MALT1: variants seen among roughly 807,000 people sequenced by gnomAD.
MALT1 encodes the protein mucosa-associated lymphoid tissue lymphoma translocation protein 1.
MALT1 carries 36 observed loss-of-function variants against 85.5 expected under a neutral mutation model. The ratio of observed to expected loss-of-function variants is 0.42; its 90% CI spans 0.32 to 0.56. The LOEUF is 0.56. Among genes scored for constraint, MALT1 ranks in the 20% least tolerant of loss-of-function variants. The pLI is 0.10. For synonymous variants in MALT1, 359 were observed against 361.3 expected (o/e 0.99, Z 0.07); for missense variants, 716 against 981.6 (o/e 0.73, Z 3.62).
intron 10 of MALT1, among the ~76,000 whole-genome samples, chr18:58,727,497 G>C (rs1227687011): frequency 6.6e-6 from 1 of 152,010 alleles, no homozygotes; most frequent in Non-Finnish European, 1.5e-5. Context: ...GTAGAGACAG[G>C]CTTCACTGTG....
At chr18:58,684,220 C>T (rs1328469274) in intron 2 of MALT1, among the ~76,000 whole-genome samples, 1 of 152,178 alleles carries the variant, frequency 6.6e-6, no homozygotes, top group Non-Finnish European at 1.5e-5. Flanking sequence ...AGGCGGGAGC[C>T]ACCGCCCTGT....
At chr18:58,682,301 C>T (rs909857077) in intron 2 of MALT1, among the ~76,000 whole-genome samples, 4 of 152,090 alleles carry the variant, frequency 2.6e-5, no homozygotes, top group East Asian at 1.9e-4. Flanking sequence ...GGTATGCTGT[C>T]AGTTACATGT....
intron 1 of MALT1, chr18:58,672,842 A>G (rs2054185371): frequency 6.6e-6 from 1 of 152,208 alleles, no homozygotes; most frequent in Non-Finnish European, 1.5e-5. Flanking sequence ...AGAACGCTGG[A>G]AACTGCAGTG....
Position 58,748,712 on chromosome 18 carries a change from C to T in MALT1, c.*870C>T, listed in dbSNP as rs1431931490. The T allele has an allele frequency of 5.1e-6, 1 of 194,420 alleles. No individual in the cohort carries two copies. The highest frequency in any genetic ancestry group is 7.9e-5 in the East Asian group (1 of 12,634). The allele number at this position is 194,420 out of a possible 1,614,324, so 12.0% of individuals were successfully genotyped here. ...TTCACTGGCCTAATGAGATAATACT[C>T]TTATCTTTGGCTCTACCTAAAAGTT... On this transcript the variant is annotated 3_prime_UTR_variant, in exon 17 of 17. Transcript: ENST00000649217.
chr18:58,747,925 G>GGCAAATTTGTATATGTAGA lies in MALT1; in HGVS notation c.*85_*103dup. The GGCAAATTTGTATATGTAGA allele has an allele frequency of 9.1e-7, 1 of 1,095,878 alleles. No homozygotes were observed. The highest frequency in any genetic ancestry group is 1.6e-5 in the African/African-American group (1 of 63,988). The allele number at this position is 1,095,878 out of a possible 1,614,324, so 67.9% of individuals were successfully genotyped here. ...TACATAAAGTGAGACATTGTGAAAAGGCAAATTTGTATATGTAGAGAAAGA... is the reference window on the plus strand; with the variant it reads ...TACATAAAGTGAGACATTGTGAAAAGGCAAATTTGTATATGTAGAGCAAATTTGTATATGTAGAGAAAGA... On this transcript the variant is annotated 3_prime_UTR_variant, in exon 17 of 17. Transcript: ENST00000649217.
intron 1 of MALT1, among the ~76,000 whole-genome samples, chr18:58,676,564 ATGACTTGTTCACCTCAC>A (rs1445570889): frequency 2.6e-5 from 4 of 152,206 alleles, no homozygotes; most frequent in African/African-American, 9.7e-5. Flanking sequence ...AGGTAACCAC[ATGACTTGTTCACCTCAC>A]TGAGCTCTTC....
At chr18:58,723,647 T>C (rs1042145645) in intron 10 of MALT1, among the ~76,000 whole-genome samples, 1 of 152,186 alleles carries the variant, frequency 6.6e-6, no homozygotes, top group African/African-American at 2.4e-5. Context: ...AGAATGTATA[T>C]TTTGTATGTT....
Position 58,696,414 on chromosome 18 carries a change from A to G in MALT1, c.425A>G (p.Gln142Arg). Residue 142 changes from glutamine (Q) to arginine (R), a missense_variant, in exon 3 of 17, where the codon CAG becomes CGG. Gln to Arg is a conservative substitution (Grantham distance 43). Coordinates refer to ENST00000649217, the MANE Select transcript of MALT1 (RefSeq NM_006785.4). Reference sequence around the variant, plus strand: ...GAGTCAAAGGCAGTCTTGGCTGGACAGTTTGTGAAACTGTGTTGCCGGGCA... The same window carrying G: ...GAGTCAAAGGCAGTCTTGGCTGGACGGTTTGTGAAACTGTGTTGCCGGGCA... ...NPESKAVLAG[Q>R]FVKLCCRATG... is the part of the protein sequence containing the mutation. The G allele has an allele frequency of 6.3e-7, 1 of 1,590,548 alleles. No homozygotes were observed. The highest frequency in any genetic ancestry group is 1.4e-5 in the African/African-American group (1 of 72,380).
chr18:58,744,170 CTT>C (rs370407442), intron 14 of MALT1, among the ~76,000 whole-genome samples, 166 bp from the exon 15 acceptor site: 77 of 152,188 alleles, frequency 5.1e-4, no homozygotes, highest in Non-Finnish European at 8.1e-4. Context: ...AAATGAAAGA[CTT>C]TGTTTGGCCA....
intron 1 of MALT1, among the ~76,000 whole-genome samples, chr18:58,674,675 G>A (rs1485929013): frequency 2.0e-5 from 3 of 152,256 alleles, no homozygotes; most frequent in African/African-American, 7.2e-5. Flanking sequence ...TCATGCTGTT[G>A]GGAGAAGATC....
chr18:58,674,659 G>T (rs1963566645), intron 1 of MALT1, among the ~76,000 whole-genome samples: 1 of 152,172 alleles, frequency 6.6e-6, no homozygotes, highest in South Asian at 2.1e-4. Flanking sequence ...TTATTGTAAA[G>T]TGATTTCATG....
At chr18:58,745,205 C>T (rs2055350037) in intron 15 of MALT1, among the ~76,000 whole-genome samples, 1 of 152,136 alleles carries the variant, frequency 6.6e-6, no homozygotes, top group Admixed American at 6.6e-5. Flanking sequence ...ACTGGAGCAG[C>T]AGAACCCTTA....
chr18:58,754,293 TA>T lies in MALT1; in HGVS notation c.*6455del, dbSNP rs1481467356. On this transcript the variant is annotated 3_prime_UTR_variant, in exon 17 of 17. Coordinates refer to ENST00000649217, the MANE Select transcript of MALT1 (RefSeq NM_006785.4). ...TTCATTCTTCCATGAAAAACACTTT[TA>T]AAATATTGAAACATTATAGGAGCAG... 1.3e-5 allele frequency: 2 copies of T among 152,226 alleles called. No homozygotes were observed. Among genetic ancestry groups the T allele is most frequent in the Non-Finnish European group, 2.9e-5 (2 of 68,032 alleles). The allele number at this position is 152,226 out of a possible 1,614,324, so 9.4% of individuals were successfully genotyped here. A position where few individuals can be genotyped will look rare whatever the true frequency, so the allele number is the denominator to read the frequency against.
intron 1 of MALT1, among the ~76,000 whole-genome samples, chr18:58,673,397 C>T (rs1383536331): frequency 6.6e-6 from 1 of 152,122 alleles, no homozygotes; most frequent in African/African-American, 2.4e-5. Flanking sequence ...ACAAAATATA[C>T]TAAATGTTTA....
chr18:58,727,672 G>A (rs2055083556), intron 10 of MALT1, among the ~76,000 whole-genome samples: 1 of 144,522 alleles, frequency 6.9e-6, no homozygotes, highest in South Asian at 2.2e-4. Flanking sequence ...GTTTAAAGCT[G>A]TAGTGTAGTA....
intron 9 of MALT1, among the ~76,000 whole-genome samples, chr18:58,722,199 C>G (rs985966467): frequency 3.3e-5 from 5 of 151,748 alleles, no homozygotes; most frequent in Non-Finnish European, 7.4e-5. Context: ...AAGAAAGGTA[C>G]CGTGTTGAAG....
At position 58,742,011 on chromosome 18, in the gene MALT1, C is replaced by G. The variant is rs1048929396; in HGVS notation, c.1750C>G (p.His584Asp). The G allele has an allele frequency of 6.6e-7, 1 of 1,514,130 alleles. No homozygotes were observed. The highest frequency in any genetic ancestry group is 9.0e-7 in the Non-Finnish European group (1 of 1,110,992). The allele number at this position is 1,514,130 out of a possible 1,614,324, so 93.8% of individuals were successfully genotyped here. Residue 584 changes from histidine to aspartate, a missense_variant, in exon 14 of 17, where the codon CAT becomes GAT. By Grantham distance (81) the His-to-Asp change is moderately conservative. Transcript: ENST00000649217. The part of the protein sequence containing the change: ...LVRNLQWAKA[H>D]ELPESMCLKF... ...GCGGAATCTACAGTGGGCCAAGGCT[C>G]ATGGTACGGTAAAGCCCATTTTTTG...
At chr18:58,690,830 A>C (rs1025933391) in intron 2 of MALT1, 9 of 234,312 alleles carry the variant, frequency 3.8e-5, no homozygotes, top group African/African-American at 1.8e-4. Flanking sequence ...TGTTGATGAT[A>C]CAAGGAACCA....
At chr18:58,678,714 C>CA (rs1018691432) in intron 1 of MALT1, among the ~76,000 whole-genome samples, 37 of 152,088 alleles carry the variant, frequency 2.4e-4, no homozygotes, top group Non-Finnish European at 2.9e-4. Flanking sequence ...AATTGTAAAA[C>CA]AAAAAACAAC....
Sources: gnomAD v4.1 joint callset for allele counts (sites outside exome capture counted in the v4.1 genomes callset) on GRCh38, gnomAD v4.1.1 for gene constraint, MANE v1.5 for transcripts, NCBI Gene and HGNC (gene_info 2026-07-23, HGNC 2026-07-21) for gene names.